STEAP4: variants seen among roughly 807,000 people sequenced by gnomAD.
STEAP4 encodes STEAP4 metalloreductase.
STEAP4 carries 36 observed loss-of-function variants against 43.6 expected under a neutral mutation model. The ratio of observed to expected loss-of-function variants is 0.83; its 90% CI spans 0.63 to 1.09. The LOEUF is 1.09. Ranked by LOEUF, STEAP4 falls within the 50% of genes least tolerant of loss-of-function variation. STEAP4 has a pLI of 0.00. For missense variants in STEAP4, 495 were observed against 546.5 expected, an observed-to-expected ratio of 0.91 and a Z score of 0.94; for synonymous variants, 191 against 196.7, an observed-to-expected ratio of 0.97 and a Z score of 0.24.
rs1852462851 is a variant in STEAP4, at chr7:88,273,191, A to G, written c.*6207T>C. The G allele has an allele frequency of 6.6e-6, 1 of 152,216 alleles. No individual in the cohort carries two copies. Among genetic ancestry groups the G allele is most frequent in the African/African-American group, 2.4e-5 (1 of 41,462 alleles). The allele number at this position is 152,216 out of a possible 1,614,324, so 9.4% of individuals were successfully genotyped here. ...TTAACTATAGTCATCCTACAGAGCT[A>G]TGGAACACTAAAACTTATTTATTTT... On this transcript the variant is annotated 3_prime_UTR_variant, in exon 5 of 5. Coordinates refer to ENST00000380079, the MANE Select transcript of STEAP4 (RefSeq NM_024636.4).
intron 1 of STEAP4, chr7:88,292,464 T>C (rs1852851267): frequency 1.3e-5 from 2 of 152,150 alleles, no homozygotes; most frequent in South Asian, 4.1e-4. Context: ...TCAATCAAAC[T>C]TTTGTTTGAT....
Position 88,282,966 on chromosome 7 carries a change from A to G in STEAP4, c.659T>C (p.Ile220Thr). The part of the protein sequence containing the change: ...LCVFLFFYCV[I>T]RDVIYPYVYE... The stretch of plus-strand genomic sequence containing the variant: ...AACATAAGGGTAGATTACGTCTCTT[A>G]TAACACAATAGAAAAACAAGAAGAC... Residue 220 changes from isoleucine to threonine, a missense_variant, in exon 3 of 5, where the codon ATA (isoleucine) becomes ACA (threonine). Ile to Thr is a moderately conservative substitution (Grantham distance 89). Coordinates refer to ENST00000380079, the MANE Select transcript of STEAP4 (RefSeq NM_024636.4). 1 of 1,613,678 alleles carries G rather than the reference A, an allele frequency of 6.2e-7. No individual in the cohort carries two copies. Among genetic ancestry groups the G allele is most frequent in the East Asian group, 2.2e-5 (1 of 44,874 alleles).
In STEAP4 at chr7:88,279,503, G is replaced by A. The variant is rs1852575686; in HGVS notation, c.1275C>T (p.Ile425=). The A allele has an allele frequency of 6.2e-7, 1 of 1,614,024 alleles. No homozygotes were observed. Among genetic ancestry groups the A allele is most frequent in the Non-Finnish European group, 8.5e-7 (1 of 1,180,032 alleles). ...TGATCACCAGCACAGTGCAAGGAAT[G>A]ATAAGCCCTAACACGTAGGCTGCAG... is the stretch of plus-strand genomic sequence containing the variant. ...YLPAAYVLGL[I]IPCTVLVIKF... The change falls in exon 5 of 5, where the codon ATC becomes ATT. Residue 425 remains isoleucine, a synonymous_variant. Transcript: ENST00000380079.
Position 88,276,522 on chromosome 7 carries a change from A to C in STEAP4, c.*2876T>G, listed in dbSNP as rs1291504086. 6.6e-6 allele frequency: 1 copy of C among 152,224 alleles called. No individual in the cohort carries two copies. The highest frequency in any genetic ancestry group is 6.5e-5 in the Admixed American group (1 of 15,284). 9.4% of individuals were successfully genotyped at this position (152,224 alleles called of 1,614,324 possible). A position where few individuals can be genotyped will look rare whatever the true frequency, so the allele number is the denominator to read the frequency against. On this transcript the variant is annotated 3_prime_UTR_variant, in exon 5 of 5. Transcript: ENST00000380079. ...TACAAAAATAATGTGAAAGTGTAAAAATTTTTCTAGAATACAGGAAACATA... is the reference window on the plus strand; with the variant it reads ...TACAAAAATAATGTGAAAGTGTAAACATTTTTCTAGAATACAGGAAACATA...
intron 1 of STEAP4, among the ~76,000 whole-genome samples, chr7:88,293,965 A>T (rs189293030): frequency 3.9e-5 from 6 of 152,144 alleles, no homozygotes; most frequent in African/African-American, 1.2e-4. Context: ...CATAAATTTT[A>T]AAAAATGTAC....
Position 88,282,845 on chromosome 7 carries a change from G to A in STEAP4, c.780C>T (p.Leu260=), listed in dbSNP as rs755242730. ...TALTLLALVY[L]PGVIAAILQL... ...GTAGAATGGCAGCAATAACACCAGG[G>A]AGGTAAACCAAAGCAAGCAGTGTAA... Residue 260 remains leucine, a synonymous_variant, in exon 3 of 5, where the codon CTC becomes CTT. Coordinates refer to ENST00000380079, the MANE Select transcript of STEAP4 (RefSeq NM_024636.4). 1.2e-6 allele frequency: 2 copies of A among 1,614,146 alleles called. No individual in the cohort carries two copies. Among genetic ancestry groups the A allele is most frequent in the East Asian group, 2.2e-5 (1 of 44,878 alleles).
intron 1 of STEAP4, among the ~76,000 whole-genome samples, chr7:88,305,033 T>A (rs1183063312): frequency 6.6e-6 from 1 of 152,204 alleles, no homozygotes; most frequent in East Asian, 1.9e-4. Context: ...TTATTAACAA[T>A]CTTAAAAAGT....
intron 3 of STEAP4, 147 bp downstream of exon 3, chr7:88,282,494 A>G: frequency 1.2e-6 from 1 of 867,042 alleles, no homozygotes; most frequent in Non-Finnish European, 1.7e-6. Context: ...GATTCATTTT[A>G]AAAAACTGAC....
rs1852433512 is a variant in STEAP4, at chr7:88,271,100, T to C, written c.*8298A>G. On this transcript the variant is annotated 3_prime_UTR_variant, in exon 5 of 5. Transcript: ENST00000380079. ...TCTAGCTATTTAGAATATATATTATTGTTAACTGTAGTCATCCTACAGAGC... is the reference window on the plus strand; with the variant it reads ...TCTAGCTATTTAGAATATATATTATCGTTAACTGTAGTCATCCTACAGAGC... 1 of 152,284 alleles carries C rather than the reference T, an allele frequency of 6.6e-6. No homozygotes were observed. Among genetic ancestry groups the C allele is most frequent in the South Asian group, 2.1e-4 (1 of 4,820 alleles). 9.4% of individuals were successfully genotyped at this position (152,284 alleles called of 1,614,324 possible). A position where few individuals can be genotyped will look rare whatever the true frequency, so the allele number is the denominator to read the frequency against.
intron 1 of STEAP4, among the ~76,000 whole-genome samples, chr7:88,298,032 A>C (rs1334633964): frequency 2.0e-5 from 3 of 152,144 alleles, no homozygotes; most frequent in African/African-American, 7.2e-5. Flanking sequence ...TGAAAAACAG[A>C]ATGTTTGCTT....
intron 1 of STEAP4, among the ~76,000 whole-genome samples, chr7:88,288,327 T>C (rs1852775101): frequency 6.6e-6 from 1 of 152,132 alleles, no homozygotes; most frequent in Admixed American, 6.6e-5. Flanking sequence ...TGTGCCACCA[T>C]GCCTGGCTAA....
Position 88,271,767 on chromosome 7 carries a change from G to A in STEAP4, c.*7631C>T, listed in dbSNP as rs116271774. 1.2e-3 allele frequency: 186 copies of A among 152,234 alleles called. No individual in the cohort carries two copies. The highest frequency in any genetic ancestry group is 4.1e-3 in the African/African-American group (169 of 41,530). The allele number at this position is 152,234 out of a possible 1,614,324, so 9.4% of individuals were successfully genotyped here. ...TTCCCTAACTGCTCTCCACAGGAGC[G>A]GTCCTAATCTGCATATCCAAGAGCA... is the stretch of plus-strand genomic sequence containing the variant. On this transcript the variant is annotated 3_prime_UTR_variant, in exon 5 of 5. Transcript: ENST00000380079.
intron 1 of STEAP4, among the ~76,000 whole-genome samples, chr7:88,288,777 T>A (rs999716080): frequency 7.2e-5 from 11 of 152,154 alleles, no homozygotes; most frequent in African/African-American, 2.6e-4. Flanking sequence ...TAAGGAAATA[T>A]ATAAAAGACT....
chr7:88,293,504 C>T (rs185330299), intron 1 of STEAP4, among the ~76,000 whole-genome samples: 1 of 151,980 alleles, frequency 6.6e-6, no homozygotes, highest in Non-Finnish European at 1.5e-5. Context: ...TCATGGATTG[C>T]GCTTTCAGTA....
At position 88,277,879 on chromosome 7, in the gene STEAP4, A is replaced by G. The variant is rs1852539843; in HGVS notation, c.*1519T>C. 6.6e-6 allele frequency: 1 copy of G among 152,140 alleles called. No homozygotes were observed. The highest frequency in any genetic ancestry group is 1.5e-5 in the Non-Finnish European group (1 of 68,022). The allele number at this position is 152,140 out of a possible 1,614,324, so 9.4% of individuals were successfully genotyped here. A position where few individuals can be genotyped will look rare whatever the true frequency, so the allele number is the denominator to read the frequency against. ...TCTCAAAAAAATAAAAAAGAAAAAAATAATAAAAAGGAAAACAAAGCCTTT... is the reference window on the plus strand; with the variant it reads ...TCTCAAAAAAATAAAAAAGAAAAAAGTAATAAAAAGGAAAACAAAGCCTTT... On this transcript the variant is annotated 3_prime_UTR_variant, in exon 5 of 5. Coordinates refer to ENST00000380079, the MANE Select transcript of STEAP4 (RefSeq NM_024636.4).
chr7:88,283,603 C>G, intron 2 of STEAP4: 1 of 614,154 alleles, frequency 1.6e-6, no homozygotes. Context: ...GGGGTTCCAT[C>G]AAACTAAAAT....
chr7:88,302,406 C>T (rs947256335), intron 1 of STEAP4, among the ~76,000 whole-genome samples: 1 of 151,092 alleles, frequency 6.6e-6, no homozygotes, highest in African/African-American at 2.4e-5. Context: ...TGGGCGCCTA[C>T]AGGCTAGGAG....
chr7:88,281,966 T>C (rs548504984), intron 3 of STEAP4: 1 of 152,206 alleles, frequency 6.6e-6, no homozygotes, highest in East Asian at 1.9e-4. Flanking sequence ...GGAAGTAACA[T>C]GCCTAAGAAT....
intron 1 of STEAP4, among the ~76,000 whole-genome samples, chr7:88,288,408 G>C (rs1410645677): frequency 6.6e-6 from 1 of 152,158 alleles, no homozygotes; most frequent in Non-Finnish European, 1.5e-5. Context: ...GATGTCAGGT[G>C]ATCCGCCCAC....
Sources: gnomAD v4.1 joint callset for allele counts (sites outside exome capture counted in the v4.1 genomes callset) on GRCh38, gnomAD v4.1.1 for gene constraint, MANE v1.5 for transcripts, NCBI Gene and HGNC (gene_info 2026-07-23, HGNC 2026-07-21) for gene names.